Variants in GRIK3 observed in about 807,000 individuals in gnomAD.
GRIK3 encodes glutamate ionotropic receptor kainate type subunit 3, also known as glutamate receptor ionotropic, kainate 3.
GRIK3 carries 29 observed loss-of-function variants against 102.5 expected under a neutral mutation model. That is an observed-to-expected ratio of 0.28 (90% CI 0.21 to 0.39). The LOEUF is 0.39. Ranked by LOEUF, GRIK3 falls within the 10% of genes least tolerant of loss-of-function variation. GRIK3 has a pLI of 1.00. For synonymous variants in GRIK3, 511 were observed against 504.9 expected, an observed-to-expected ratio of 1.01 and a Z score of -0.16; for missense variants, 908 against 1,252.4, an observed-to-expected ratio of 0.73 and a Z score of 4.15.
chr1:36,878,826 G>A (rs1481423227), intron 3 of GRIK3, among the ~76,000 whole-genome samples: 2 of 152,194 alleles, frequency 1.3e-5, no homozygotes, highest in Admixed American at 6.5e-5. Context: ...GCTCCAGGGA[G>A]TTACTATGAG....
chr1:37,031,941 G>C (rs571425779), intron 1 of GRIK3, among the ~76,000 whole-genome samples: 2 of 152,172 alleles, frequency 1.3e-5, no homozygotes, highest in South Asian at 2.1e-4. Context: ...GCACAGCTCT[G>C]GCAGTCACGT....
At chr1:36,977,568 A>G (rs1376690283) in intron 1 of GRIK3, among the ~76,000 whole-genome samples, 1 of 152,182 alleles carries the variant, frequency 6.6e-6, no homozygotes, top group African/African-American at 2.4e-5. Flanking sequence ...GAATAAAGCC[A>G]TTCCCCTGCG....
intron 1 of GRIK3, among the ~76,000 whole-genome samples, chr1:37,016,750 A>T (rs541674823): frequency 6.6e-6 from 1 of 152,304 alleles, no homozygotes; most frequent in African/African-American, 2.4e-5. Flanking sequence ...GAAACCCAAA[A>T]TTTCATATGA....
At chr1:37,007,920 A>T (rs982204171) in intron 1 of GRIK3, among the ~76,000 whole-genome samples, 1 of 152,208 alleles carries the variant, frequency 6.6e-6, no homozygotes, top group Non-Finnish European at 1.5e-5. Flanking sequence ...TCATGAGCCC[A>T]GAAGCCACCG....
intron 1 of GRIK3, among the ~76,000 whole-genome samples, chr1:36,972,153 C>T (rs370148776): frequency 5.3e-5 from 8 of 152,220 alleles, no homozygotes; most frequent in Non-Finnish European, 1.0e-4. Flanking sequence ...GCATGGGCTC[C>T]GCCACGTGCT....
intron 1 of GRIK3, among the ~76,000 whole-genome samples, chr1:36,930,580 T>C (rs1641576508): frequency 6.6e-6 from 1 of 152,208 alleles, no homozygotes; most frequent in Non-Finnish European, 1.5e-5. Context: ...GAGACATGAA[T>C]GTAAGTCTAC....
At position 36,880,113 on chromosome 1, in the gene GRIK3, C is replaced by T. The variant is rs1640954335; in HGVS notation, c.550+521G>A. Among the ~76,000 whole-genome samples, 1 of 152,158 alleles carries T rather than the reference C, an allele frequency of 6.6e-6. No homozygotes were observed. Among genetic ancestry groups the T allele is most frequent in the African/African-American group, 2.4e-5 (1 of 41,432 alleles). On this transcript the variant is annotated intron_variant, in intron 3 of 15. Coordinates refer to ENST00000373091, the MANE Select transcript of GRIK3 (RefSeq NM_000831.4). This position sits in a 1 kb window ranked among gnomAD's most constrained non-coding sequence, Gnocchi z 5.4. ...TGTAATCCCACATTTTACAGATTTA[C>T]ATTTTATAGGAAACTGAGGCACAAA...
chr1:36,808,838 C>T (rs1260206772), intron 13 of GRIK3, among the ~76,000 whole-genome samples: 4 of 152,182 alleles, frequency 2.6e-5, no homozygotes, highest in Admixed American at 1.3e-4. Context: ...GTCACATAAG[C>T]GACTTCTGCT....
intron 1 of GRIK3, among the ~76,000 whole-genome samples, chr1:37,000,398 T>C (rs1294338909): frequency 6.6e-6 from 1 of 152,214 alleles, no homozygotes; most frequent in Middle Eastern, 3.2e-3. Flanking sequence ...TTACAACAAT[T>C]ATATGGGGTA....
chr1:36,993,035 C>G (rs1013972153), intron 1 of GRIK3, among the ~76,000 whole-genome samples: 1 of 151,610 alleles, frequency 6.6e-6, no homozygotes, highest in East Asian at 1.9e-4. Flanking sequence ...AACATCAGTG[C>G]GAACATGGCA....
At chr1:36,849,382 G>A (rs184184796) in intron 9 of GRIK3, among the ~76,000 whole-genome samples, 21 of 152,266 alleles carry the variant, frequency 1.4e-4, no homozygotes, top group African/African-American at 3.6e-4. Context: ...TATCCAAAAC[G>A]GGTTGAACTC....
chr1:36,844,710 CAGAAT>C (rs1294900622), intron 9 of GRIK3, among the ~76,000 whole-genome samples: 1 of 152,152 alleles, frequency 6.6e-6, no homozygotes, highest in African/African-American at 2.4e-5. Context: ...GAAAAGCACT[CAGAAT>C]AGTGCCTGGC....
intron 1 of GRIK3, among the ~76,000 whole-genome samples, chr1:36,933,501 T>G (rs1641619942): frequency 6.6e-6 from 1 of 152,208 alleles, no homozygotes; most frequent in African/African-American, 2.4e-5. Context: ...TCAATTTGAT[T>G]TCCCCCTCCA....
intron 10 of GRIK3, among the ~76,000 whole-genome samples, chr1:36,829,926 A>T (rs1419898546): frequency 6.6e-6 from 1 of 152,112 alleles, no homozygotes; most frequent in African/African-American, 2.4e-5. Flanking sequence ...CAGCTCTAAC[A>T]ACTTGTCACT....
chr1:36,859,153 G>T lies in GRIK3; in HGVS notation c.1059C>A (p.His353Gln). 6.2e-7 allele frequency: 1 copy of T among 1,613,720 alleles called. No individual in the cohort carries two copies. Among genetic ancestry groups the T allele is most frequent in the Admixed American group, 1.7e-5 (1 of 60,010 alleles). The change falls in exon 7 of 16, where the codon CAC becomes CAA. Residue 353 changes from histidine (H) to glutamine (Q), a missense_variant. Transcript: ENST00000373091. ...MTVNSLQCHRHKAWRFGGRFM... is the reference protein window; with the variant it reads ...MTVNSLQCHRQKAWRFGGRFM... ...AGCGGCCGCCAAAGCGCCAGGCCTTGTGCCGATGGCACTGCAGGGAGTTCA... is the reference window on the plus strand; with the variant it reads ...AGCGGCCGCCAAAGCGCCAGGCCTTTTGCCGATGGCACTGCAGGGAGTTCA...
Position 37,033,749 on chromosome 1 carries a change from G to C in GRIK3, c.115+245C>G, listed in dbSNP as rs543065389. 6.6e-5 allele frequency among the ~76,000 whole-genome samples: 10 copies of C among 152,324 alleles called. No homozygotes were observed. In the East Asian group the frequency reaches 1.7e-3, roughly 27 times the overall value. On this transcript the variant is annotated intron_variant, in intron 1 of 15. Transcript: ENST00000373091. ...ACCTTCGCCACACTGTGCCAGGTCT[G>C]ACCTCCCAGGAGCGCGCCAAGGGCC...
At chr1:36,909,687 G>A (rs968742420) in intron 1 of GRIK3, among the ~76,000 whole-genome samples, 8 of 152,030 alleles carry the variant, frequency 5.3e-5, no homozygotes, top group African/African-American at 1.7e-4. Context: ...CTTCTGAGAA[G>A]GCTCTGTAGC....
intron 10 of GRIK3, among the ~76,000 whole-genome samples, chr1:36,836,187 T>C (rs543776): frequency 0.14 from 21,985 of 152,266 alleles, 1,773 homozygotes; most frequent in African/African-American, 0.21. Flanking sequence ...ATGAGGCTCC[T>C]CCTGACACCC....
intron 1 of GRIK3, among the ~76,000 whole-genome samples, chr1:36,982,187 T>C (rs559796206): frequency 6.7e-4 from 102 of 152,244 alleles, no homozygotes; most frequent in African/African-American, 2.4e-3. Context: ...ACAGCTAAAC[T>C]GGGTGGGAGG....
Sources: gnomAD v4.1 joint callset for allele counts (sites outside exome capture counted in the v4.1 genomes callset) on GRCh38, gnomAD v4.1.1 for gene constraint, Gnocchi (gnomAD v3.1) non-coding constraint, MANE v1.5 for transcripts, NCBI Gene and HGNC (gene_info 2026-07-23, HGNC 2026-07-21) for gene names.